The following TAF2 variants were observed in gnomAD, a reference collection of about 807,000 sequenced individuals.
TAF2 encodes the protein transcription initiation factor TFIID subunit 2.
In TAF2, 61 loss-of-function variants were observed where a neutral mutation model predicts 138.5. The observed-to-expected ratio is 0.44, with a 90% CI of 0.36 to 0.54. TAF2 has a LOEUF of 0.54. Among genes scored for constraint, TAF2 ranks in the 20% least tolerant of loss-of-function variants. The pLI, the probability that TAF2 is intolerant of heterozygous loss-of-function variation, is 0.00. For synonymous variants in TAF2, 475 were observed against 469.9 expected, an observed-to-expected ratio of 1.01 and a Z score of -0.14; for missense variants, 1,090 against 1,427.9, an observed-to-expected ratio of 0.76 and a Z score of 3.81.
At chr8:119,777,165 T>C (rs1202833016) in intron 18 of TAF2, among the ~76,000 whole-genome samples, 1 of 152,216 alleles carries the variant, frequency 6.6e-6, no homozygotes, top group African/African-American at 2.4e-5. Flanking sequence ...TATGCAAATA[T>C]TATATAACAT....
chr8:119,823,178 T>C (rs1035266836), intron 2 of TAF2, among the ~76,000 whole-genome samples: 1 of 152,244 alleles, frequency 6.6e-6, no homozygotes, highest in African/African-American at 2.4e-5. Context: ...CAAATGAATT[T>C]TGTGCCATCT....
chr8:119,770,232 TATCCAGACAAGAA>T (rs1821737413), intron 18 of TAF2, among the ~76,000 whole-genome samples: 1 of 151,624 alleles, frequency 6.6e-6, no homozygotes, highest in Admixed American at 6.6e-5. Context: ...CAGTGATAGA[TATCCAGACAAGAA>T]ATCCAGGTAA....
intron 23 of TAF2, among the ~76,000 whole-genome samples, chr8:119,745,390 T>C (rs973455387): frequency 6.6e-6 from 1 of 151,732 alleles, no homozygotes; most frequent in South Asian, 2.1e-4. Flanking sequence ...AGCTCTTTAA[T>C]GAGACTCTTT....
chr8:119,749,003 G>A (rs1467431484), intron 22 of TAF2, among the ~76,000 whole-genome samples: 1 of 151,900 alleles, frequency 6.6e-6, no homozygotes, highest in Non-Finnish European at 1.5e-5. Context: ...GATCAATGTC[G>A]CCATGATTAT....
intron 3 of TAF2, among the ~76,000 whole-genome samples, chr8:119,818,732 C>CCACACACACACACACACA (rs199991010): frequency 9.0e-6 from 1 of 110,900 alleles, no homozygotes; most frequent in Admixed American, 7.7e-5. Context: ...AAAATGAAGT[C>CCACACACACACACACACA]CACACACACA....
intron 18 of TAF2, among the ~76,000 whole-genome samples, chr8:119,769,900 G>A (rs1821707528): frequency 6.6e-6 from 1 of 151,832 alleles, no homozygotes; most frequent in Admixed American, 6.6e-5. Context: ...TGGGACTACA[G>A]GCACGTGCCA....
rs1819493894 is a variant in TAF2 at position 119,740,078 on chromosome 8, T to C, written c.3337+2456A>G. Among the ~76,000 whole-genome samples the C allele has an allele frequency of 2.6e-5, 4 of 152,194 alleles. No homozygotes were observed. The South Asian group carries it at 6.2e-4, about 24-fold the overall frequency. On this transcript the variant is annotated intron_variant, in intron 25 of 25. Coordinates refer to ENST00000378164, the MANE Select transcript of TAF2 (RefSeq NM_003184.4). ...TCCCTCACCAGTGCTGTCTCCCTCC[T>C]AAACCCGCAACTCTCAACCCCAAGA...
intron 18 of TAF2, among the ~76,000 whole-genome samples, chr8:119,777,310 T>C (rs1239621010): frequency 6.6e-6 from 1 of 152,166 alleles, no homozygotes; most frequent in African/African-American, 2.4e-5. Flanking sequence ...ATTGTATCAA[T>C]TATCACATGT....
intron 22 of TAF2, among the ~76,000 whole-genome samples, chr8:119,752,992 C>G (rs933006921): frequency 6.6e-6 from 1 of 152,188 alleles, no homozygotes; most frequent in African/African-American, 2.4e-5. Flanking sequence ...AAATGATGCT[C>G]TAGCTCCTTT....
chr8:119,804,810 G>C (rs1251953508), intron 4 of TAF2, among the ~76,000 whole-genome samples: 1 of 152,068 alleles, frequency 6.6e-6, no homozygotes, highest in Non-Finnish European at 1.5e-5. Flanking sequence ...ACTTTGGGGA[G>C]TACAAGGATG....
intron 22 of TAF2, among the ~76,000 whole-genome samples, chr8:119,747,748 A>G (rs1194451460): frequency 6.6e-6 from 1 of 152,192 alleles, no homozygotes; most frequent in East Asian, 1.9e-4. Flanking sequence ...CACAATCTAT[A>G]TGGTTTCTAG....
At chr8:119,760,544 A>G in intron 20 of TAF2, 55 bp downstream of exon 20, 1 of 1,598,748 alleles carries the variant, frequency 6.3e-7, no homozygotes, top group Admixed American at 1.7e-5. Context: ...CACTGGCTTT[A>G]AAAAGTAAAT....
At chr8:119,740,323 A>C (rs1819509447) in intron 25 of TAF2, among the ~76,000 whole-genome samples, 1 of 151,922 alleles carries the variant, frequency 6.6e-6, no homozygotes, top group African/African-American at 2.4e-5. Context: ...AGGAGTTGTA[A>C]AGCTTTTGTT....
chr8:119,793,326 A>G lies in TAF2; in HGVS notation c.1277+40T>C, dbSNP rs764917813. ...CTTAAATGGAATAATTGTTATATAT[A>G]GTCAAGGTTTATAATATCATCTCTG... On this transcript the variant is annotated intron_variant, in intron 10 of 25. Coordinates refer to ENST00000378164, the MANE Select transcript of TAF2 (RefSeq NM_003184.4). 8 of 1,501,204 alleles carry G rather than the reference A, an allele frequency of 5.3e-6. No homozygotes were observed. In the African/African-American group the frequency reaches 6.9e-5, roughly 13 times the overall value. The allele number at this position is 1,501,204 out of a possible 1,614,324, so 93.0% of individuals were successfully genotyped here.
chr8:119,763,824 A>T (rs755201905), intron 18 of TAF2, among the ~76,000 whole-genome samples: 3 of 151,896 alleles, frequency 2.0e-5, no homozygotes, highest in Non-Finnish European at 4.4e-5. Flanking sequence ...ACCGTACTCC[A>T]GCCTGGGTGA....
chr8:119,799,280 A>G (rs1165768171), intron 6 of TAF2, among the ~76,000 whole-genome samples: 1 of 152,014 alleles, frequency 6.6e-6, no homozygotes, highest in East Asian at 1.9e-4. Flanking sequence ...TATATTAGGT[A>G]TATCTCCTAA....
chr8:119,741,369 T>C (rs1819593429), intron 25 of TAF2, among the ~76,000 whole-genome samples: 1 of 152,208 alleles, frequency 6.6e-6, no homozygotes. Flanking sequence ...CTAAGCTTTA[T>C]AATTTTTAAA....
intron 16 of TAF2, among the ~76,000 whole-genome samples, chr8:119,782,732 A>C (rs184770135): frequency 3.9e-5 from 6 of 152,348 alleles, no homozygotes; most frequent in Admixed American, 6.5e-5. Context: ...TGGTTTTCTT[A>C]ATTAACTTTT....
chr8:119,792,445 T>C (rs1049561308), intron 10 of TAF2, among the ~76,000 whole-genome samples: 1 of 152,024 alleles, frequency 6.6e-6, no homozygotes, highest in Non-Finnish European at 1.5e-5. Flanking sequence ...GCCCCCGCGC[T>C]GGGCCAGAAG....
Sources: allele counts gnomAD v4.1 joint callset (sites outside exome capture counted in the v4.1 genomes callset), GRCh38; gene constraint gnomAD v4.1.1; transcripts MANE v1.5; gene names NCBI Gene and HGNC (gene_info 2026-07-23, HGNC 2026-07-21).